Variants in RFTN2 observed in about 807,000 individuals in gnomAD.
The protein encoded by RFTN2 is raftlin-2.
A neutral mutation model predicts 52.7 loss-of-function variants in RFTN2; 34 were observed. The observed-to-expected ratio is 0.64, with a 90% CI of 0.49 to 0.86. The LOEUF is 0.86. RFTN2 is among the 40% of genes least tolerant of loss of function. The pLI is 0.00. For missense variants in RFTN2, 536 were observed against 600.1 expected (o/e 0.89, Z 1.12); for synonymous variants, 203 against 217.7 (o/e 0.93, Z 0.59).
chr2:197,642,983 A>T (rs1376951363), intron 3 of RFTN2, among the ~76,000 whole-genome samples: 1 of 152,232 alleles, frequency 6.6e-6, no homozygotes, highest in African/African-American at 2.4e-5. Flanking sequence ...ACAAAAAAAG[A>T]CAAAATGGGA....
rs754670320 is a variant in RFTN2 at position 197,572,091 on chromosome 2, T to G, written c.1423A>C (p.Ser475Arg). Residue 475 changes from serine (S) to arginine (R), a missense_variant, in exon 9 of 9, where the codon AGC (serine) becomes CGC (arginine). Transcript: ENST00000295049. ...LAQHNSFSGF[S>R]SSDNVLRELD... ...TCCCGGAGGACGTTGTCACTGCTGCTGAACCCAGAGAAGCTGTTGTGCTGT... is the reference window on the plus strand; with the variant it reads ...TCCCGGAGGACGTTGTCACTGCTGCGGAACCCAGAGAAGCTGTTGTGCTGT... The G allele has an allele frequency of 1.2e-6, 2 of 1,614,264 alleles. No homozygotes were observed. The highest frequency in any genetic ancestry group is 2.2e-5 in the South Asian group (2 of 91,092).
intron 5 of RFTN2, among the ~76,000 whole-genome samples, chr2:197,622,798 C>T (rs1426150784): frequency 3.9e-5 from 6 of 152,144 alleles, no homozygotes; most frequent in Admixed American, 1.3e-4. Context: ...TCCAAAAATC[C>T]TAGGGCCCTT....
At chr2:197,659,544 G>A (rs1401052823) in intron 1 of RFTN2, among the ~76,000 whole-genome samples, 1 of 151,494 alleles carries the variant, frequency 6.6e-6, no homozygotes, top group Non-Finnish European at 1.5e-5. Flanking sequence ...CAGGCTGGGT[G>A]TGGTGGCTCA....
chr2:197,635,779 T>G (rs1411193424), intron 3 of RFTN2, among the ~76,000 whole-genome samples: 5 of 145,704 alleles, frequency 3.4e-5, no homozygotes, highest in Admixed American at 2.1e-4. Context: ...TTGTTGCCAT[T>G]GCTTTTGGTG....
chr2:197,664,178 T>TA (rs747584524), intron 1 of RFTN2, among the ~76,000 whole-genome samples: 2 of 151,952 alleles, frequency 1.3e-5, no homozygotes, highest in Non-Finnish European at 2.9e-5. Context: ...ATTCCATTTT[T>TA]AAAAAAAATT....
rs538902723 is a variant in RFTN2 at position 197,611,158 on chromosome 2, TG to T, written c.1154+4717del. Among the ~76,000 whole-genome samples, 10 of 152,348 alleles carry T rather than the reference TG, an allele frequency of 6.6e-5. No homozygotes were observed. The South Asian group carries it at 2.1e-3, about 32-fold the overall frequency. ...AGTTAGGGGGGAGTCCCTCTTTTTC[TG>T]TTGATTGAGATAATTTCAGAAGGAA... On this transcript the variant is annotated intron_variant, in intron 7 of 8. Coordinates refer to ENST00000295049, the MANE Select transcript of RFTN2 (RefSeq NM_144629.3).
rs2087279276 is a variant in RFTN2, at chr2:197,569,293, T to TA, written c.*2714dup. 1 of 152,204 alleles carries TA rather than the reference T, an allele frequency of 6.6e-6. No individual in the cohort carries two copies. The allele number at this position is 152,204 out of a possible 1,614,324, so 9.4% of individuals were successfully genotyped here. ...AGCCCCTAAGGAAATCATAGTGTTA[T>TA]AAAAAGAACTGAATATACAACTGGC... On this transcript the variant is annotated 3_prime_UTR_variant, in exon 9 of 9. Coordinates refer to ENST00000295049, the MANE Select transcript of RFTN2 (RefSeq NM_144629.3).
intron 1 of RFTN2, among the ~76,000 whole-genome samples, chr2:197,669,574 A>G (rs1245537233): frequency 1.3e-5 from 2 of 152,166 alleles, no homozygotes; most frequent in Non-Finnish European, 2.9e-5. Flanking sequence ...AAACTGTTCC[A>G]CTTCAGATCA....
intron 7 of RFTN2, among the ~76,000 whole-genome samples, chr2:197,597,429 A>G (rs2087808886): frequency 6.6e-6 from 1 of 152,208 alleles, no homozygotes; most frequent in African/African-American, 2.4e-5. Context: ...TTGGAACCAG[A>G]CAGTTCCTGG....
chr2:197,574,895 A>C (rs1243515454), intron 8 of RFTN2, among the ~76,000 whole-genome samples: 2 of 151,990 alleles, frequency 1.3e-5, no homozygotes, highest in African/African-American at 4.8e-5. Flanking sequence ...ACAAACAAAC[A>C]AACAAAAAAC....
intron 7 of RFTN2, among the ~76,000 whole-genome samples, chr2:197,604,828 T>G (rs1574699739): frequency 6.6e-6 from 1 of 152,216 alleles, no homozygotes; most frequent in Non-Finnish European, 1.5e-5. Context: ...TGGTGCAATC[T>G]TGGCTTACTG....
At chr2:197,638,923 T>A (rs2088614268) in intron 3 of RFTN2, among the ~76,000 whole-genome samples, 1 of 151,822 alleles carries the variant, frequency 6.6e-6, no homozygotes, top group African/African-American at 2.4e-5. Context: ...GAGCTCTTTT[T>A]GGGCAGGCCT....
chr2:197,602,020 G>A (rs566514853), intron 7 of RFTN2, among the ~76,000 whole-genome samples: 1 of 151,976 alleles, frequency 6.6e-6, no homozygotes, highest in Admixed American at 6.6e-5. Context: ...CAACAAAAAT[G>A]AAACTAAAAA....
intron 5 of RFTN2, among the ~76,000 whole-genome samples, chr2:197,630,732 A>C (rs1233825980): frequency 2.0e-5 from 3 of 152,224 alleles, no homozygotes; most frequent in Non-Finnish European, 2.9e-5. Context: ...TCTTATTTGG[A>C]AAATTCTCCT....
rs185940601 is a variant in RFTN2 at position 197,606,081 on chromosome 2, A to G, written c.1154+9795T>C. 3.0e-3 allele frequency among the ~76,000 whole-genome samples: 460 copies of G among 152,270 alleles called. 2 individuals are homozygous for G. Among genetic ancestry groups the G allele is most frequent in the African/African-American group, 9.8e-3 (407 of 41,566 alleles). ...AGATATGCTGTATATCTGTGTATAT[A>G]CTGTGTGGCCTTTTGGAGGGCCACA... On this transcript the variant is annotated intron_variant, in intron 7 of 8. Transcript: ENST00000295049.
intron 8 of RFTN2, among the ~76,000 whole-genome samples, chr2:197,586,200 C>T (rs538761879): frequency 3.3e-5 from 5 of 152,332 alleles, no homozygotes; most frequent in African/African-American, 9.6e-5. Flanking sequence ...AGACTCTCCT[C>T]CCAGGCCCTC....
chr2:197,647,226 CTTTTTTTCTTT>C (rs1397447433), intron 1 of RFTN2, among the ~76,000 whole-genome samples: 4 of 151,822 alleles, frequency 2.6e-5, no homozygotes, highest in Non-Finnish European at 4.4e-5. Context: ...CTTTTCTTTT[CTTTTTTTCTTT>C]TTTGAGAGAG....
intron 5 of RFTN2, among the ~76,000 whole-genome samples, chr2:197,620,421 G>A (rs2088243430): frequency 6.6e-6 from 1 of 152,120 alleles, no homozygotes; most frequent in Non-Finnish European, 1.5e-5. Context: ...TTCGGTTTTT[G>A]TGTAGCACAA....
chr2:197,674,603 G>T (rs890096273), intron 1 of RFTN2, among the ~76,000 whole-genome samples: 4 of 152,048 alleles, frequency 2.6e-5, no homozygotes, highest in Admixed American at 2.0e-4. Context: ...CTTTGTCTGT[G>T]CAGTTGTACA....
Sources: allele counts gnomAD v4.1 joint callset (sites outside exome capture counted in the v4.1 genomes callset), GRCh38; gene constraint gnomAD v4.1.1; transcripts MANE v1.5; gene names NCBI Gene and HGNC (gene_info 2026-07-23, HGNC 2026-07-21).